The following PTPRM variants were observed in gnomAD, a reference collection of about 807,000 sequenced individuals.
The protein encoded by PTPRM is receptor-type tyrosine-protein phosphatase mu.
In PTPRM, 47 loss-of-function variants were observed where a neutral mutation model predicts 186.7. The ratio of observed to expected loss-of-function variants is 0.25; its 90% CI spans 0.20 to 0.32. The LOEUF is 0.32. Ranked by LOEUF, PTPRM falls within the 10% of genes least tolerant of loss-of-function variation. The pLI is 1.00. For missense variants in PTPRM, 1,494 were observed against 1,865.0 expected (o/e 0.80, Z 3.66); for synonymous variants, 668 against 674.9 (o/e 0.99, Z 0.16).
At chr18:8,105,653 G>A (rs2091482059) in intron 11 of PTPRM, among the ~76,000 whole-genome samples, 1 of 151,974 alleles carries the variant, frequency 6.6e-6, no homozygotes, top group Admixed American at 6.6e-5. Flanking sequence ...TCTCTGCATG[G>A]GATCAGACCT....
At chr18:7,896,402 C>A (rs191441950) in intron 3 of PTPRM, among the ~76,000 whole-genome samples, 133 of 152,306 alleles carry the variant, frequency 8.7e-4, no homozygotes, top group African/African-American at 3.0e-3. Context: ...AGCCTCAGCT[C>A]CTACCCAGAA....
chr18:8,188,467 C>T lies in PTPRM; in HGVS notation c.2300+44688C>T, dbSNP rs576399856. Among the ~76,000 whole-genome samples, 15 of 152,272 alleles carry T rather than the reference C, an allele frequency of 9.9e-5. No individual in the cohort carries two copies. In the South Asian group the frequency reaches 2.5e-3, roughly 25 times the overall value. Reference sequence around the variant, plus strand: ...CACTTCCTGTATGTAACAGGTGGTGCGTTACCATGATGTCCGAGAAAATGT... The same window carrying T: ...CACTTCCTGTATGTAACAGGTGGTGTGTTACCATGATGTCCGAGAAAATGT... On this transcript the variant is annotated intron_variant, in intron 14 of 32. Coordinates refer to ENST00000580170, the MANE Select transcript of PTPRM (RefSeq NM_001105244.2).
intron 19 of PTPRM, among the ~76,000 whole-genome samples, chr18:8,268,033 G>T (rs1347395056): frequency 1.3e-5 from 2 of 151,962 alleles, no homozygotes; most frequent in Non-Finnish European, 2.9e-5. Context: ...GAAACATGTT[G>T]TTAATTCTCA....
At chr18:7,881,574 C>T (rs1157528001) in intron 2 of PTPRM, among the ~76,000 whole-genome samples, 1 of 152,224 alleles carries the variant, frequency 6.6e-6, no homozygotes, top group Admixed American at 6.5e-5. Context: ...CTATCCGATG[C>T]TTTCACTTGT....
At chr18:8,149,540 C>T (rs1049974339) in intron 14 of PTPRM, among the ~76,000 whole-genome samples, 15 of 152,034 alleles carry the variant, frequency 9.9e-5, no homozygotes, top group Non-Finnish European at 1.6e-4. Flanking sequence ...GAGCCGTGTG[C>T]ATCTTTGCAC....
intron 11 of PTPRM, among the ~76,000 whole-genome samples, chr18:8,093,501 C>T (rs112136024): frequency 3.6e-4 from 54 of 152,096 alleles, no homozygotes; most frequent in African/African-American, 1.3e-3. Flanking sequence ...TAATTATTTC[C>T]TCTATCAACA....
chr18:7,686,337 C>A (rs1252193568), intron 1 of PTPRM, among the ~76,000 whole-genome samples: 7 of 152,180 alleles, frequency 4.6e-5, no homozygotes, highest in Non-Finnish European at 1.0e-4. Context: ...AAAATGCTTT[C>A]TCAAAAACTA....
At chr18:7,752,583 C>A (rs1270963415) in intron 1 of PTPRM, among the ~76,000 whole-genome samples, 1 of 151,964 alleles carries the variant, frequency 6.6e-6, no homozygotes, top group Non-Finnish European at 1.5e-5. Flanking sequence ...GCCACCATGC[C>A]TGGCTAATTT....
At chr18:8,247,170 A>G (rs2094484724) in intron 15 of PTPRM, among the ~76,000 whole-genome samples, 1 of 152,172 alleles carries the variant, frequency 6.6e-6, no homozygotes. Flanking sequence ...GCGTTTTAAA[A>G]TGTCTCTTAA....
intron 20 of PTPRM, among the ~76,000 whole-genome samples, chr18:8,313,202 G>A (rs2095282496): frequency 6.6e-6 from 1 of 152,180 alleles, no homozygotes; most frequent in Non-Finnish European, 1.5e-5. Context: ...TCAGAAAAAG[G>A]CAGTAGCAGT....
intron 19 of PTPRM, among the ~76,000 whole-genome samples, chr18:8,259,613 T>A (rs1004818371): frequency 9.9e-5 from 15 of 152,032 alleles, no homozygotes; most frequent in Admixed American, 5.9e-4. Flanking sequence ...TAAGAAAAAA[T>A]TATTATTAAA....
At chr18:7,872,157 C>G (rs1286640787) in intron 2 of PTPRM, among the ~76,000 whole-genome samples, 2 of 152,146 alleles carry the variant, frequency 1.3e-5, no homozygotes, top group Non-Finnish European at 2.9e-5. Context: ...ATTCAGTTGT[C>G]AGCATAAACT....
At chr18:8,148,891 C>T (rs2092942670) in intron 14 of PTPRM, among the ~76,000 whole-genome samples, 1 of 152,054 alleles carries the variant, frequency 6.6e-6, no homozygotes, top group South Asian at 2.1e-4. Context: ...TTTATTTCTG[C>T]CTTCATTTCA....
At chr18:7,577,359 A>G (rs762474962) in intron 1 of PTPRM, among the ~76,000 whole-genome samples, 4 of 152,222 alleles carry the variant, frequency 2.6e-5, no homozygotes. Flanking sequence ...GAAATTTACT[A>G]TGCAGTAGAT....
intron 20 of PTPRM, among the ~76,000 whole-genome samples, chr18:8,300,363 T>C (rs1282897810): frequency 6.6e-6 from 1 of 152,080 alleles, no homozygotes; most frequent in Non-Finnish European, 1.5e-5. Context: ...TGTCAGAATT[T>C]CCTGACAAGA....
At chr18:7,578,645 T>TG (rs1253683887) in intron 1 of PTPRM, among the ~76,000 whole-genome samples, 9 of 151,414 alleles carry the variant, frequency 5.9e-5, no homozygotes, top group Non-Finnish European at 1.2e-4. Flanking sequence ...AATTTTTTTT[T>TG]TTTTTTTAAG....
chr18:8,264,256 T>C (rs72913124), intron 19 of PTPRM, among the ~76,000 whole-genome samples: 9,749 of 152,218 alleles, frequency 0.064, 470 homozygotes, highest in African/African-American at 0.13. Flanking sequence ...AGAAGCAATG[T>C]AGAATTATTT....
At chr18:7,717,272 C>G (rs1269123731) in intron 1 of PTPRM, among the ~76,000 whole-genome samples, 4 of 152,070 alleles carry the variant, frequency 2.6e-5, no homozygotes, top group African/African-American at 7.2e-5. Flanking sequence ...CCCGTAAAAA[C>G]CCCAGACTCA....
rs996553016 is a variant in PTPRM, at chr18:8,384,491, A to G, written c.3919-70A>G. 31 of 1,568,478 alleles carry G rather than the reference A, an allele frequency of 2.0e-5. No homozygotes were observed. The African/African-American group carries it at 3.8e-4, about 19-fold the overall frequency. ...AAAGGATTACTGAGTGTCAATACTA[A>G]CCTTATCCAAACTGTTAGGAGTAAA... On this transcript the variant is annotated intron_variant, in intron 29 of 32. Coordinates refer to ENST00000580170, the MANE Select transcript of PTPRM (RefSeq NM_001105244.2).
Sources: gnomAD v4.1 joint callset for allele counts (sites outside exome capture counted in the v4.1 genomes callset) on GRCh38, gnomAD v4.1.1 for gene constraint, MANE v1.5 for transcripts, NCBI Gene and HGNC (gene_info 2026-07-23, HGNC 2026-07-21) for gene names.